Variants in SPAG16 observed in about 807,000 individuals in gnomAD.
The protein encoded by SPAG16 is sperm associated antigen 16, also known as sperm-associated antigen 16 protein.
SPAG16 carries 86 observed loss-of-function variants against 80.4 expected under a neutral mutation model. The observed-to-expected ratio is 1.07, with a 90% CI of 0.90 to 1.28. SPAG16 has a LOEUF of 1.28. SPAG16 is among the 50% of genes most tolerant of loss of function. SPAG16 has a pLI of 0.00. For missense variants in SPAG16, 870 were observed against 765.3 expected (o/e 1.14, Z -1.61); for synonymous variants, 294 against 265.9 (o/e 1.11, Z -1.03).
intron 12 of SPAG16, among the ~76,000 whole-genome samples, chr2:213,938,280 A>G (rs866617345): frequency 4.6e-5 from 7 of 152,044 alleles, no homozygotes; most frequent in Non-Finnish European, 8.8e-5. Flanking sequence ...GGTTTAGTAT[A>G]TTTCTACACT....
chr2:213,323,902 C>T (rs1404866383), intron 5 of SPAG16, among the ~76,000 whole-genome samples: 1 of 151,990 alleles, frequency 6.6e-6, no homozygotes, highest in African/African-American at 2.4e-5. Flanking sequence ...GCATGATTCC[C>T]CATATATGAG....
intron 10 of SPAG16, among the ~76,000 whole-genome samples, chr2:213,736,208 T>A (rs947638284): frequency 1.3e-5 from 2 of 152,226 alleles, no homozygotes; most frequent in African/African-American, 2.4e-5. Context: ...AATAATTATA[T>A]CATTTTATAA....
chr2:214,398,190 A>G (rs1233815018), intron 15 of SPAG16, among the ~76,000 whole-genome samples: 4 of 152,202 alleles, frequency 2.6e-5, no homozygotes, highest in Admixed American at 2.6e-4. Context: ...ACAATGAAAG[A>G]AGGCATCCTA....
In SPAG16 at chr2:214,124,234, T is replaced by A. The variant is rs1435080250; in HGVS notation, c.1593+15973T>A. 1.3e-5 allele frequency among the ~76,000 whole-genome samples: 2 copies of A among 151,926 alleles called. 1 individual carries two copies. The highest frequency in any genetic ancestry group is 1.3e-4 in the Admixed American group (2 of 15,062). ...ACTCCCCATGATTGTTTTGAGCATATGACTGCCAAAACTAGTTCAAAATAT... is the reference window on the plus strand; with the variant it reads ...ACTCCCCATGATTGTTTTGAGCATAAGACTGCCAAAACTAGTTCAAAATAT... On this transcript the variant is annotated intron_variant, in intron 14 of 15. Transcript: ENST00000331683.
At chr2:214,131,876 A>G (rs904001972) in intron 14 of SPAG16, among the ~76,000 whole-genome samples, 2 of 152,154 alleles carry the variant, frequency 1.3e-5, no homozygotes, top group African/African-American at 2.4e-5. Flanking sequence ...TGATGGTTAC[A>G]CTTGTCTAAA....
At chr2:213,502,328 T>C (rs1398883012) in intron 10 of SPAG16, among the ~76,000 whole-genome samples, 1 of 152,102 alleles carries the variant, frequency 6.6e-6, no homozygotes, top group Non-Finnish European at 1.5e-5. Context: ...TTGCCATGTT[T>C]CCCAGGCTGA....
rs188810215 is a variant in SPAG16 at position 213,509,773 on chromosome 2, C to T, written c.1070+19683C>T. On this transcript the variant is annotated intron_variant, in intron 10 of 15. Transcript: ENST00000331683. ...ATTAAAAGAACTAGAAAAGCAAGAG[C>T]GAACACATTCAAAAACTAGCAGAAG... 8.5e-3 allele frequency among the ~76,000 whole-genome samples: 1,292 copies of T among 152,090 alleles called. 24 individuals carry two copies. The highest frequency in any genetic ancestry group is 0.03 in the African/African-American group (1,238 of 41,474).
intron 15 of SPAG16, chr2:214,240,542 A>T (rs577344388): frequency 6.6e-6 from 1 of 152,202 alleles, no homozygotes; most frequent in East Asian, 1.9e-4. Context: ...TGCTTAAAAC[A>T]TATGTCTCAG....
intron 10 of SPAG16, among the ~76,000 whole-genome samples, chr2:213,615,379 C>T (rs2061559289): frequency 6.6e-6 from 1 of 152,126 alleles, no homozygotes. Context: ...TCACCTGAGG[C>T]CAGGAATTCG....
At chr2:214,016,958 G>A (rs2047621454) in intron 13 of SPAG16, among the ~76,000 whole-genome samples, 1 of 152,138 alleles carries the variant, frequency 6.6e-6, no homozygotes, top group Non-Finnish European at 1.5e-5. Flanking sequence ...CATGCAGATG[G>A]TGTTAGGAGG....
At chr2:213,508,503 C>T (rs1274416733) in intron 10 of SPAG16, among the ~76,000 whole-genome samples, 2 of 152,108 alleles carry the variant, frequency 1.3e-5, no homozygotes, top group South Asian at 2.1e-4. Context: ...ACCCGGGAAG[C>T]GGAGCTTGCA....
intron 11 of SPAG16, among the ~76,000 whole-genome samples, chr2:213,887,943 C>A (rs566919830): frequency 6.6e-6 from 1 of 151,764 alleles, no homozygotes; most frequent in South Asian, 2.1e-4. Context: ...CTTTTCTGTT[C>A]TGATTTATTT....
At chr2:213,862,009 A>T (rs1386681082) in intron 10 of SPAG16, among the ~76,000 whole-genome samples, 2 of 152,122 alleles carry the variant, frequency 1.3e-5, no homozygotes, top group Non-Finnish European at 2.9e-5. Flanking sequence ...TATAGTATTT[A>T]TTACAGAACT....
intron 9 of SPAG16, among the ~76,000 whole-genome samples, chr2:213,401,780 TTTATG>T (rs1244089995): frequency 6.6e-6 from 1 of 152,172 alleles, no homozygotes; most frequent in Non-Finnish European, 1.5e-5. Context: ...TATTTTTTGC[TTTATG>T]TTAATTTATC....
At chr2:213,402,408 T>G (rs1198967786) in intron 9 of SPAG16, among the ~76,000 whole-genome samples, 1 of 152,024 alleles carries the variant, frequency 6.6e-6, no homozygotes, top group Non-Finnish European at 1.5e-5. Context: ...TCCCAAAAAT[T>G]TATTTATAGT....
intron 10 of SPAG16, among the ~76,000 whole-genome samples, chr2:213,813,626 G>T (rs1168572229): frequency 2.6e-5 from 4 of 152,140 alleles, no homozygotes; most frequent in African/African-American, 9.7e-5. Context: ...GTCTGCCAAT[G>T]AAAGAGGAGC....
chr2:213,754,409 T>C (rs2068221947), intron 10 of SPAG16, among the ~76,000 whole-genome samples: 1 of 152,198 alleles, frequency 6.6e-6, no homozygotes, highest in South Asian at 2.1e-4. Flanking sequence ...TCATTTTTAT[T>C]TATTTTTCTA....
At position 214,223,913 on chromosome 2, in the gene SPAG16, A is replaced by C. The variant is rs577765383; in HGVS notation, c.1720+74647A>C. ...ATTGACCAAGGCTGACCAAAGGAAG[A>C]GATGTTGAAATGGGTTTTAAAGAAT... is the stretch of plus-strand genomic sequence containing the variant. On this transcript the variant is annotated intron_variant, in intron 15 of 15. Coordinates refer to ENST00000331683, the MANE Select transcript of SPAG16 (RefSeq NM_024532.5). Among the ~76,000 whole-genome samples the C allele has an allele frequency of 2.0e-5, 3 of 152,314 alleles. No individual in the cohort carries two copies. In the East Asian group the frequency reaches 5.8e-4, roughly 29 times the overall value.
intron 15 of SPAG16, among the ~76,000 whole-genome samples, chr2:214,384,060 TG>T (rs1700612320): frequency 6.6e-6 from 1 of 152,216 alleles, no homozygotes; most frequent in Non-Finnish European, 1.5e-5. Flanking sequence ...ATTTTGAATA[TG>T]AGCTACTAAA....
Sources: gnomAD v4.1 joint callset for allele counts (sites outside exome capture counted in the v4.1 genomes callset) on GRCh38, gnomAD v4.1.1 for gene constraint, MANE v1.5 for transcripts, NCBI Gene and HGNC (gene_info 2026-07-23, HGNC 2026-07-21) for gene names.